Variants in SRGAP2 observed in about 807,000 individuals in gnomAD.
SRGAP2 encodes SLIT-ROBO Rho GTPase-activating protein 2.
SRGAP2 carries 15 observed loss-of-function variants against 57.2 expected under a neutral mutation model. That is an observed-to-expected ratio of 0.26 (90% CI 0.18 to 0.40). The LOEUF is 0.40. Among genes scored for constraint, SRGAP2 ranks in the 10% least tolerant of loss-of-function variants. The pLI is 1.00. For missense variants in SRGAP2, 520 were observed against 669.6 expected (o/e 0.78, Z 2.47); for synonymous variants, 249 against 248.0 (o/e 1.00, Z -0.04).
At chr1:206,339,978 T>C (rs1235572417) in intron 3 of SRGAP2, among the ~76,000 whole-genome samples, 1 of 135,966 alleles carries the variant, frequency 7.4e-6, no homozygotes, top group Non-Finnish European at 1.5e-5. Flanking sequence ...TTAGTAGAGA[T>C]GGGGTTTTGC....
chr1:206,439,912 C>G (rs548895690), intron 16 of SRGAP2, 64 bp from the exon 17 acceptor site: 2 of 753,724 alleles, frequency 2.7e-6, no homozygotes, highest in African/African-American at 1.7e-5. Flanking sequence ...GTAGGGACTT[C>G]TGATCATTAC....
At chr1:206,458,444 G>A in intron 21 of SRGAP2, 179 bp from the exon 22 acceptor site, 1 of 715,112 alleles carries the variant, frequency 1.4e-6, no homozygotes, top group Non-Finnish European at 2.6e-6. Flanking sequence ...CAGCTTGGGG[G>A]TGGCAAGGGA....
At chr1:206,434,692 T>G (rs1553369398) in intron 14 of SRGAP2, among the ~76,000 whole-genome samples, 1 of 152,170 alleles carries the variant, frequency 6.6e-6, no homozygotes, top group South Asian at 2.1e-4. Flanking sequence ...AAAACATAAG[T>G]TCTCAGGAGG....
chr1:206,289,303 C>T (rs1671181835), intron 2 of SRGAP2, among the ~76,000 whole-genome samples: 4 of 140,522 alleles, frequency 2.8e-5, no homozygotes, highest in Middle Eastern at 7.1e-3. Context: ...GACGGAGTCT[C>T]GCTCTGTCGC....
chr1:206,427,668 G>A (rs1181070424), intron 13 of SRGAP2, among the ~76,000 whole-genome samples: 4 of 152,136 alleles, frequency 2.6e-5, no homozygotes, highest in Middle Eastern at 3.2e-3. Flanking sequence ...CTGTCAAACG[G>A]GCAGAAGCTA....
At chr1:206,249,922 C>T in intron 2 of SRGAP2, among the ~76,000 whole-genome samples, 1 of 146,122 alleles carries the variant, frequency 6.8e-6, no homozygotes, top group Non-Finnish European at 1.5e-5. Flanking sequence ...TCCCTAAATA[C>T]CTAGAAGGTG....
At position 206,302,362 on chromosome 1, in the gene SRGAP2, G is replaced by A. The variant is rs1371319810; in HGVS notation, c.68-919G>A. 7.9e-5 allele frequency among the ~76,000 whole-genome samples: 12 copies of A among 152,218 alleles called. No homozygotes were observed. In the South Asian group the frequency reaches 2.1e-3, roughly 26 times the overall value. ...TGCTGCATTTGAGGCAGATCTGTTCGCATCTATAGCTGCCTTTGCAGCAGT... is the reference window on the plus strand; with the variant it reads ...TGCTGCATTTGAGGCAGATCTGTTCACATCTATAGCTGCCTTTGCAGCAGT... On this transcript the variant is annotated intron_variant, in intron 2 of 22. Transcript: ENST00000573034.
In SRGAP2 at chr1:206,310,547, T is replaced by G. The variant is rs529410096; in HGVS notation, c.260+7074T>G. On this transcript the variant is annotated intron_variant, in intron 3 of 22. Transcript: ENST00000573034. Reference sequence around the variant, plus strand: ...TCAGTGAATACCTAAAGAGTCCACGTAGCTGATGAGTTCTGCCCTTATCTT... The same window carrying G: ...TCAGTGAATACCTAAAGAGTCCACGGAGCTGATGAGTTCTGCCCTTATCTT... Among the ~76,000 whole-genome samples the G allele has an allele frequency of 1.3e-3, 205 of 152,356 alleles. 1 individual carries two copies. The highest frequency in any genetic ancestry group is 4.8e-3 in the African/African-American group (198 of 41,586).
At chr1:206,426,158 G>A (rs73074876) in intron 13 of SRGAP2, among the ~76,000 whole-genome samples, 1,764 of 152,150 alleles carry the variant, frequency 0.012, 36 homozygotes, top group African/African-American at 0.04. Context: ...TCCAGAAACC[G>A]TCATTCTACT....
chr1:206,266,463 G>C (rs1669855195), intron 2 of SRGAP2, among the ~76,000 whole-genome samples: 1 of 152,082 alleles, frequency 6.6e-6, no homozygotes. Context: ...GGATGGTCTT[G>C]GACTCCTGAC....
chr1:206,248,473 G>C (rs1446768314), intron 2 of SRGAP2, among the ~76,000 whole-genome samples: 1 of 152,120 alleles, frequency 6.6e-6, no homozygotes, highest in East Asian at 1.9e-4. Flanking sequence ...CAGGGGAGGG[G>C]TATTCATTGT....
chr1:206,429,743 A>G (rs1460960381), intron 13 of SRGAP2, among the ~76,000 whole-genome samples: 2 of 152,230 alleles, frequency 1.3e-5, no homozygotes, highest in East Asian at 1.9e-4. Context: ...CCTAATTACT[A>G]TGTGAAGGAA....
intron 3 of SRGAP2, among the ~76,000 whole-genome samples, chr1:206,332,687 C>T (rs78669414): frequency 7.3e-6 from 1 of 136,206 alleles, no homozygotes; most frequent in South Asian, 2.1e-4. Context: ...TCTCTGTATT[C>T]GTTATTCTAG....
chr1:206,341,082 A>G (rs1675150822), intron 3 of SRGAP2, among the ~76,000 whole-genome samples: 1 of 152,216 alleles, frequency 6.6e-6, no homozygotes, highest in Admixed American at 6.5e-5. Context: ...TGGGTTAGAC[A>G]GATATTTGAT....
chr1:206,463,817 A>G lies in SRGAP2; in HGVS notation c.*2397A>G, dbSNP rs1664407387. On this transcript the variant is annotated 3_prime_UTR_variant, in exon 23 of 23. Coordinates refer to ENST00000573034, the MANE Select transcript of SRGAP2 (RefSeq NM_015326.5). ...TCCTTCTCGGCAGAGCTCACTGCAA[A>G]CAACTGGAATTGAGGTTGCACACTG... 1 of 152,662 alleles carries G rather than the reference A, an allele frequency of 6.6e-6. No homozygotes were observed. The highest frequency in any genetic ancestry group is 2.4e-5 in the African/African-American group (1 of 41,460). The allele number at this position is 152,662 out of a possible 1,614,324, so 9.5% of individuals were successfully genotyped here.
intron 2 of SRGAP2, among the ~76,000 whole-genome samples, chr1:206,256,958 G>T (rs1405010907): frequency 7.3e-6 from 1 of 136,188 alleles, no homozygotes; most frequent in Admixed American, 7.4e-5. Context: ...CACCAACAAT[G>T]TGCCTGGTAC....
intron 3 of SRGAP2, among the ~76,000 whole-genome samples, chr1:206,324,615 A>G (rs1396389416): frequency 1.3e-5 from 2 of 152,022 alleles, no homozygotes; most frequent in African/African-American, 2.4e-5. Context: ...GTCGGGAGTG[A>G]GTAGACACTC....
intron 4 of SRGAP2, among the ~76,000 whole-genome samples, chr1:206,358,601 A>G (rs1265054279): frequency 2.7e-5 from 4 of 149,614 alleles, no homozygotes; most frequent in Admixed American, 6.6e-5. Flanking sequence ...GGAGAGTAGA[A>G]AAAGCATTCT....
intron 2 of SRGAP2, among the ~76,000 whole-genome samples, chr1:206,208,586 C>G (rs1187879748): frequency 2.6e-5 from 4 of 152,198 alleles, no homozygotes; most frequent in Non-Finnish European, 4.4e-5. Flanking sequence ...TCTCTACCCT[C>G]ATGGAGCTTA....
Sources: allele counts gnomAD v4.1 joint callset (sites outside exome capture counted in the v4.1 genomes callset), GRCh38; gene constraint gnomAD v4.1.1; transcripts MANE v1.5; gene names NCBI Gene and HGNC (gene_info 2026-07-23, HGNC 2026-07-21).